COBL: variants seen among roughly 807,000 people sequenced by gnomAD.
The protein encoded by COBL is protein cordon-bleu.
COBL carries 51 observed loss-of-function variants against 98.8 expected under a neutral mutation model. That is an observed-to-expected ratio of 0.52 (90% CI 0.41 to 0.65). The LOEUF is 0.65. COBL is among the 30% of genes least tolerant of loss of function. COBL has a pLI of 0.00. For synonymous variants in COBL, 634 were observed against 651.7 expected, an observed-to-expected ratio of 0.97 and a Z score of 0.41; for missense variants, 1,617 against 1,617.5, an observed-to-expected ratio of 1.00 and a Z score of 0.01.
intron 5 of COBL, among the ~76,000 whole-genome samples, chr7:51,148,712 A>G (rs1785265766): frequency 6.6e-6 from 1 of 151,796 alleles, no homozygotes; most frequent in Non-Finnish European, 1.5e-5. Context: ...TTCTGACCTC[A>G]CCTGTCTGAG....
rs776937734 is a variant in COBL, at chr7:51,028,276, G to A, written c.2820C>T (p.His940=). The A allele has an allele frequency of 2.1e-5, 34 of 1,614,184 alleles. No homozygotes were observed. Among genetic ancestry groups the A allele is most frequent in the South Asian group, 1.5e-4 (14 of 91,086 alleles). Residue 940 remains histidine (H), a synonymous_variant, in exon 10 of 13, where the codon CAC becomes CAT. Coordinates refer to ENST00000265136, the MANE Select transcript of COBL (RefSeq NM_015198.5). ...QWPCVTPPNN[H]GEDLAVGAPP... is the part of the protein sequence containing the mutation. ...GGGCTCCCACTGCCAAATCTTCCCCGTGGTTGTTGGGAGGAGTGACACAGG... is the reference window on the plus strand; with the variant it reads ...GGGCTCCCACTGCCAAATCTTCCCCATGGTTGTTGGGAGGAGTGACACAGG...
chr7:51,215,988 C>T (rs935611030), intron 2 of COBL, among the ~76,000 whole-genome samples: 1 of 151,674 alleles, frequency 6.6e-6, no homozygotes, highest in Non-Finnish European at 1.5e-5. Context: ...AAAGGGGATG[C>T]AATGGCCTGT....
chr7:51,274,388 G>A (rs1799090154), intron 1 of COBL, among the ~76,000 whole-genome samples: 2 of 152,216 alleles, frequency 1.3e-5, no homozygotes, highest in Non-Finnish European at 2.9e-5. Context: ...GGCAGCTCTA[G>A]GTGAGCTCCC....
intron 6 of COBL, among the ~76,000 whole-genome samples, chr7:51,108,176 C>T (rs1323340729): frequency 6.6e-6 from 1 of 152,132 alleles, no homozygotes; most frequent in Non-Finnish European, 1.5e-5. Flanking sequence ...ACCAAGGATC[C>T]TCGGGCCAAC....
At position 51,156,637 on chromosome 7, in the gene COBL, C is replaced by T. The variant is rs1786158343; in HGVS notation, c.784-20306G>A. On this transcript the variant is annotated intron_variant, in intron 5 of 12. Transcript: ENST00000265136. ...GGTCAAATATTGAGAAATAGCTAGT[C>T]ATTTGTTCAGGCTATTTTTAAACAC... is the stretch of plus-strand genomic sequence containing the variant. The T allele has an allele frequency of 3.1e-6, 3 of 963,332 alleles. No homozygotes were observed. In the South Asian group the frequency reaches 1.4e-4, roughly 46 times the overall value. 59.7% of individuals were successfully genotyped at this position (963,332 alleles called of 1,614,324 possible).
chr7:51,196,098 A>C (rs1790563876), intron 2 of COBL, among the ~76,000 whole-genome samples: 1 of 152,156 alleles, frequency 6.6e-6, no homozygotes, highest in South Asian at 2.1e-4. Context: ...AAATACTTCC[A>C]GCTTTTGCCC....
At chr7:51,230,766 G>A (rs1179492252) in intron 1 of COBL, among the ~76,000 whole-genome samples, 1 of 152,192 alleles carries the variant, frequency 6.6e-6, no homozygotes, top group East Asian at 1.9e-4. Flanking sequence ...TAACTTCAAG[G>A]CTATTTCCAC....
chr7:51,217,681 T>C (rs911886374), intron 2 of COBL, among the ~76,000 whole-genome samples: 3 of 152,166 alleles, frequency 2.0e-5, no homozygotes, highest in Non-Finnish European at 2.9e-5. Flanking sequence ...TACCTAGGAA[T>C]TGGGCTAAAA....
At chr7:51,251,044 C>T (rs1470768728) in intron 1 of COBL, among the ~76,000 whole-genome samples, 1 of 152,132 alleles carries the variant, frequency 6.6e-6, no homozygotes, top group Non-Finnish European at 1.5e-5. Context: ...TTTTACAGTG[C>T]TATTAAATCT....
chr7:51,296,553 G>A (rs1236969955), intron 1 of COBL, among the ~76,000 whole-genome samples: 1 of 151,756 alleles, frequency 6.6e-6, no homozygotes, highest in Admixed American at 6.6e-5. Context: ...TTTCTTTTTT[G>A]ATCAACAACT....
chr7:51,220,078 G>T, intron 1 of COBL, 134 bp from the exon 2 acceptor site: 1 of 725,164 alleles, frequency 1.4e-6, no homozygotes, highest in Non-Finnish European at 2.3e-6. Flanking sequence ...TAAAATCAAT[G>T]TCCCCCAAAC....
intron 6 of COBL, among the ~76,000 whole-genome samples, chr7:51,096,405 A>C (rs1408929327): frequency 6.6e-6 from 1 of 152,084 alleles, no homozygotes; most frequent in Non-Finnish European, 1.5e-5. Flanking sequence ...ATAAACACCC[A>C]TATGAAAAAC....
At chr7:51,122,268 C>T (rs921297532) in intron 6 of COBL, among the ~76,000 whole-genome samples, 3 of 152,216 alleles carry the variant, frequency 2.0e-5, no homozygotes, top group Non-Finnish European at 2.9e-5. Context: ...TGCACACTGG[C>T]GTTAGCTGCC....
In COBL at chr7:51,283,491, T is replaced by C. The variant is rs114064414; in HGVS notation, c.41+33102A>G. On this transcript the variant is annotated intron_variant, in intron 1 of 12. Transcript: ENST00000265136. ...TTTGAATCTGTAGTTTTTGTTTGTT[T>C]GTTTTTTTGTGAGATGGAGTTTCGC... Among the ~76,000 whole-genome samples the C allele has an allele frequency of 7.6e-3, 1,151 of 152,330 alleles. 15 individuals carry two copies. The highest frequency in any genetic ancestry group is 0.027 in the African/African-American group (1,118 of 41,568).
In COBL at chr7:51,085,547, A is replaced by AC. The variant is rs368644049; in HGVS notation, c.958-244dup. On this transcript the variant is annotated intron_variant, in intron 6 of 12. Transcript: ENST00000265136. Reference sequence around the variant, plus strand: ...AGGTGGCACAGTGTTGCTCATAGACACCCCAAAGACCCCTATGAGCAGGGA... The same window carrying AC: ...AGGTGGCACAGTGTTGCTCATAGACACCCCCAAAGACCCCTATGAGCAGGGA... Among the ~76,000 whole-genome samples, 306 of 151,892 alleles carry AC rather than the reference A, an allele frequency of 2.0e-3. 1 individual carries two copies. Among genetic ancestry groups the AC allele is most frequent in the African/African-American group, 6.0e-3 (248 of 41,410 alleles).
At position 51,028,108 on chromosome 7, in the gene COBL, A is replaced by G; in HGVS notation, c.2988T>C (p.Ser996=). ...RVSVGQSCGF[S]GKQSTSSQEA... is the part of the protein sequence containing the mutation. ...CCTGGCTACTTGTGCTTTGCTTTCC[A>G]CTGAAACCACAGCTCTGTCCCACAG... Residue 996 remains serine (S), a synonymous_variant, in exon 10 of 13, where the codon AGT becomes AGC. Transcript: ENST00000265136. The G allele has an allele frequency of 6.2e-7, 1 of 1,614,122 alleles. No homozygotes were observed. Among genetic ancestry groups the G allele is most frequent in the Non-Finnish European group, 8.5e-7 (1 of 1,180,010 alleles).
chr7:51,173,594 TTCTATTGTACCAAAATCA>T (rs1222742845), intron 5 of COBL, among the ~76,000 whole-genome samples: 3 of 152,160 alleles, frequency 2.0e-5, no homozygotes, highest in Non-Finnish European at 4.4e-5. Flanking sequence ...TAATATTTCT[TTCTATTGTACCAAAATCA>T]TCTGGTGCAA....
intron 1 of COBL, among the ~76,000 whole-genome samples, chr7:51,223,275 G>A (rs1793836125): frequency 6.6e-6 from 1 of 152,246 alleles, no homozygotes; most frequent in Non-Finnish European, 1.5e-5. Flanking sequence ...GTGTGCCTGC[G>A]TGTGCACGTG....
chr7:51,193,622 G>C (rs886208722), intron 2 of COBL, 33 bp from the exon 3 acceptor site: 2 of 1,585,298 alleles, frequency 1.3e-6, no homozygotes, highest in African/African-American at 1.3e-5. Flanking sequence ...TGATTATTAG[G>C]AATGACTGCA....
Sources: gnomAD v4.1 joint callset for allele counts (sites outside exome capture counted in the v4.1 genomes callset) on GRCh38, gnomAD v4.1.1 for gene constraint, MANE v1.5 for transcripts, NCBI Gene and HGNC (gene_info 2026-07-23, HGNC 2026-07-21) for gene names.